The following MBTPS1 variants were observed in gnomAD, a reference collection of about 807,000 sequenced individuals.
The protein encoded by MBTPS1 is membrane-bound transcription factor site-1 protease.
MBTPS1 carries 94 observed loss-of-function variants against 127.8 expected under a neutral mutation model. The ratio of observed to expected loss-of-function variants is 0.74; its 90% CI spans 0.62 to 0.87. MBTPS1 has a LOEUF of 0.87. Among genes scored for constraint, MBTPS1 ranks in the 40% least tolerant of loss-of-function variants. The pLI, the probability that MBTPS1 is intolerant of heterozygous loss-of-function variation, is 0.00. For synonymous variants in MBTPS1, 632 were observed against 509.4 expected (o/e 1.24, Z -3.24); for missense variants, 1,636 against 1,353.2 (o/e 1.21, Z -3.28).
intron 4 of MBTPS1, among the ~76,000 whole-genome samples, chr16:84,094,051 T>A (rs2086146933): frequency 6.6e-6 from 1 of 152,044 alleles, no homozygotes; most frequent in African/African-American, 2.4e-5. Context: ...CCAAATAAGA[T>A]TTAAGGATAA....
chr16:84,108,660 G>A (rs1422568873), intron 1 of MBTPS1, among the ~76,000 whole-genome samples: 1 of 152,190 alleles, frequency 6.6e-6, no homozygotes, highest in Non-Finnish European at 1.5e-5. Context: ...GCGTTCATGG[G>A]AGAATGGCAG....
intron 3 of MBTPS1, among the ~76,000 whole-genome samples, chr16:84,098,250 A>G (rs1480044697): frequency 2.0e-5 from 3 of 152,166 alleles, no homozygotes; most frequent in Non-Finnish European, 4.4e-5. Flanking sequence ...ATGCATGACC[A>G]TTCCTGGTCA....
In MBTPS1 at chr16:84,066,732, G is replaced by C; in HGVS notation, c.2229-119C>G. On this transcript the variant is annotated intron_variant, in intron 16 of 22. Transcript: ENST00000343411. ...CCACAATCCAGTCCTTCCACACTAAGGCTTCAACTGAAACCAACTGTCTGG... is the reference window on the plus strand; with the variant it reads ...CCACAATCCAGTCCTTCCACACTAACGCTTCAACTGAAACCAACTGTCTGG... 5.2e-6 allele frequency: 5 copies of C among 970,058 alleles called. No individual in the cohort carries two copies. The East Asian group carries it at 1.4e-4, about 27-fold the overall frequency. The allele number at this position is 970,058 out of a possible 1,614,324, so 60.1% of individuals were successfully genotyped here.
At position 84,104,582 on chromosome 16, in the gene MBTPS1, G is replaced by C. The variant is rs116851593; in HGVS notation, c.-324-2475C>G. Among the ~76,000 whole-genome samples the C allele has an allele frequency of 8.9e-3, 1,348 of 152,280 alleles. 15 individuals carry two copies. Among genetic ancestry groups the C allele is most frequent in the Non-Finnish European group, 0.014 (924 of 68,010 alleles). ...AAATATAATTAAGTAATAGTACTGA[G>C]AAAATCTTAGACCTAACTGGGTTAA... is the stretch of plus-strand genomic sequence containing the variant. On this transcript the variant is annotated intron_variant, in intron 1 of 22. Coordinates refer to ENST00000343411, the MANE Select transcript of MBTPS1 (RefSeq NM_003791.4).
intron 7 of MBTPS1, 71 bp from the exon 8 acceptor site, chr16:84,091,013 A>ACC: frequency 9.1e-7 from 1 of 1,098,220 alleles, no homozygotes; most frequent in Non-Finnish European, 1.4e-6. Flanking sequence ...AAAAAAAAAA[A>ACC]AACCATACAC....
chr16:84,087,468 G>GA lies in MBTPS1; in HGVS notation c.1032-9dup. 1 of 1,266,116 alleles carries GA rather than the reference G, an allele frequency of 7.9e-7. No homozygotes were observed. The highest frequency in any genetic ancestry group is 1.1e-6 in the Non-Finnish European group (1 of 927,322). The allele number at this position is 1,266,116 out of a possible 1,614,324, so 78.4% of individuals were successfully genotyped here. A position where few individuals can be genotyped will look rare whatever the true frequency, so the allele number is the denominator to read the frequency against. On this transcript the variant is annotated splice_polypyrimidine_tract_variant and intron_variant, in intron 8 of 22. Transcript: ENST00000343411. ...GCAGGGTTATTCAGAGTGCTATATT[G>GA]AGACCAAAAAAAAAAAAAAAGAAAA...
Position 84,115,121 on chromosome 16 carries a change from A to G in MBTPS1, c.-325+1614T>C, listed in dbSNP as rs369985535. Among the ~76,000 whole-genome samples, 139 of 151,894 alleles carry G rather than the reference A, an allele frequency of 9.2e-4. 4 individuals carry two copies. In the South Asian group the frequency reaches 0.027, roughly 29 times the overall value. On this transcript the variant is annotated intron_variant, in intron 1 of 22. Transcript: ENST00000343411. ...TTTTTGTATTTTCAGTAGAGACGGG[A>G]TTTCACCACGTTGGCCAGGCTGGTC...
At chr16:84,103,261 T>A (rs927437088) in intron 1 of MBTPS1, among the ~76,000 whole-genome samples, 1 of 150,890 alleles carries the variant, frequency 6.6e-6, no homozygotes, top group African/African-American at 2.4e-5. Flanking sequence ...TTATTATTTT[T>A]TTTTTTTTTT....
chr16:84,116,712 C>CCG (rs1248363120), intron 1 of MBTPS1, 23 bp downstream of exon 1: 1 of 152,022 alleles, frequency 6.6e-6, no homozygotes, highest in African/African-American at 2.4e-5. Context: ...GTCGGGGAGG[C>CCG]CGCGCGCGGG....
chr16:84,076,075 A>G (rs1013894185), intron 11 of MBTPS1, among the ~76,000 whole-genome samples: 1 of 152,224 alleles, frequency 6.6e-6, no homozygotes, highest in East Asian at 1.9e-4. Flanking sequence ...TCATATTAAG[A>G]AAACAAAATA....
At chr16:84,108,207 G>A (rs1243908807) in intron 1 of MBTPS1, among the ~76,000 whole-genome samples, 1 of 152,046 alleles carries the variant, frequency 6.6e-6, no homozygotes, top group Non-Finnish European at 1.5e-5. Context: ...ACAAGCAGCA[G>A]CAGGACAGGC....
intron 10 of MBTPS1, chr16:84,082,167 C>T: frequency 3.7e-6 from 1 of 271,106 alleles, no homozygotes; most frequent in Admixed American, 5.4e-5. Context: ...TGTGATAATT[C>T]AACTAAACAA....
At chr16:84,058,819 C>T (rs1188935041) in intron 21 of MBTPS1, among the ~76,000 whole-genome samples, 2 of 152,170 alleles carry the variant, frequency 1.3e-5, no homozygotes, top group East Asian at 1.9e-4. Context: ...AGCCTGCCAT[C>T]GGAGGCGGGT....
chr16:84,093,857 G>C, intron 4 of MBTPS1, 36 bp from the exon 5 acceptor site: 1 of 1,399,698 alleles, frequency 7.1e-7, no homozygotes, highest in Non-Finnish European at 1.0e-6. Context: ...AATTATGTTT[G>C]AAGAAATCAT....
At chr16:84,085,282 TC>T in intron 9 of MBTPS1, 148 bp from the exon 10 acceptor site, 1 of 828,890 alleles carries the variant, frequency 1.2e-6, no homozygotes, top group Non-Finnish European at 1.9e-6. Context: ...TGAAATTCAC[TC>T]CAGGCCAGGC....
At chr16:84,098,668 T>C (rs1349999717) in intron 3 of MBTPS1, among the ~76,000 whole-genome samples, 1 of 151,614 alleles carries the variant, frequency 6.6e-6, no homozygotes, top group Non-Finnish European at 1.5e-5. Flanking sequence ...AGAAGCGAAA[T>C]GCAAGGAAGA....
chr16:84,060,459 C>T, intron 20 of MBTPS1: 1 of 498,934 alleles, frequency 2.0e-6, no homozygotes. Flanking sequence ...CGTGGGAAAG[C>T]AGCTGCACAC....
chr16:84,071,492 A>C (rs1192325127), intron 12 of MBTPS1, among the ~76,000 whole-genome samples: 1 of 152,274 alleles, frequency 6.6e-6, no homozygotes, highest in Non-Finnish European at 1.5e-5. Context: ...GGTGTCCCAA[A>C]TAATGAGGAA....
chr16:84,101,044 T>C (rs1032214464), intron 2 of MBTPS1, among the ~76,000 whole-genome samples: 1 of 148,838 alleles, frequency 6.7e-6, no homozygotes, highest in Non-Finnish European at 1.5e-5. Context: ...TTCATGCCTG[T>C]AGTCCCAACA....
Sources: gnomAD v4.1 joint callset for allele counts (sites outside exome capture counted in the v4.1 genomes callset) on GRCh38, gnomAD v4.1.1 for gene constraint, MANE v1.5 for transcripts, NCBI Gene and HGNC (gene_info 2026-07-23, HGNC 2026-07-21) for gene names.